Variants in PEPD observed in about 807,000 individuals in gnomAD.
The protein encoded by PEPD is xaa-Pro dipeptidase.
A neutral mutation model predicts 60.7 loss-of-function variants in PEPD; 53 were observed. That is an observed-to-expected ratio of 0.87 (90% CI 0.70 to 1.10). The LOEUF (loss-of-function observed/expected upper bound fraction) is 1.10. Ranked by LOEUF, PEPD falls within the 50% of genes least tolerant of loss-of-function variation. The probability of loss-of-function intolerance (pLI) is 0.00; values close to 1 mark genes in which losing one functional copy is unlikely to be tolerated. For synonymous variants in PEPD, 267 were observed against 284.1 expected, an observed-to-expected ratio of 0.94 and a Z score of 0.60; for missense variants, 711 against 711.9, an observed-to-expected ratio of 1.00 and a Z score of 0.01.
intron 12 of PEPD, among the ~76,000 whole-genome samples, chr19:33,398,805 C>T (rs1968425364): frequency 6.6e-6 from 1 of 152,238 alleles, no homozygotes; most frequent in South Asian, 2.1e-4. Context: ...AGCAAGCAAA[C>T]TGTCCCGTCC....
chr19:33,420,702 A>AAAATAAATAAAT (rs61576295), intron 9 of PEPD, among the ~76,000 whole-genome samples: 18,165 of 149,176 alleles, frequency 0.12, 1,469 homozygotes, highest in Non-Finnish European at 0.18. Flanking sequence ...ACTCTGTCTC[A>AAAATAAATAAAT]AAATAAATAA....
Position 33,519,821 on chromosome 19 carries a change from T to C in PEPD, c.17+1923A>G, listed in dbSNP as rs1431745349. Among the ~76,000 whole-genome samples the C allele has an allele frequency of 2.0e-5, 3 of 152,052 alleles. No homozygotes were observed. In the East Asian group the frequency reaches 5.8e-4, roughly 29 times the overall value. On this transcript the variant is annotated intron_variant, in intron 1 of 14. Coordinates refer to ENST00000244137, the MANE Select transcript of PEPD (RefSeq NM_000285.4). ...TGGCTCACACCTGTAATCCTAGCAC[T>C]TTGGGAGGCGGAGGCGGGTGGATCA... is the stretch of plus-strand genomic sequence containing the variant.
intron 12 of PEPD, among the ~76,000 whole-genome samples, chr19:33,397,968 T>C (rs1968405263): frequency 1.3e-5 from 2 of 152,174 alleles, no homozygotes; most frequent in Admixed American, 1.3e-4. Flanking sequence ...GGATGCCAGC[T>C]GTGGAGATGC....
Position 33,512,704 on chromosome 19 carries a change from C to T in PEPD, c.90G>A (p.Leu30=). The T allele has an allele frequency of 2.5e-6, 4 of 1,614,100 alleles. No individual in the cohort carries two copies. In the East Asian group the frequency reaches 8.9e-5, roughly 36 times the overall value. Residue 30 remains leucine, a synonymous_variant, in exon 2 of 15, where the codon CTG becomes CTA. Transcript: ENST00000244137. ...CAGGGTTCTTCCGCAGCCGCTCACACAGGCGCTGCCGGTTCAAGGCAAAGA... is the reference window on the plus strand; with the variant it reads ...CAGGGTTCTTCCGCAGCCGCTCACATAGGCGCTGCCGGTTCAAGGCAAAGA... ...LALFALNRQR[L]CERLRKNPAV... is the part of the protein sequence containing the mutation.
In PEPD at chr19:33,446,613, G is replaced by T. The variant is rs552531447; in HGVS notation, c.671+16382C>A. ...CATGCTGGCCTAGCAGAAGTGAGGG[G>T]TCCCCTGTTTGCACAGTGCATCCAG... On this transcript the variant is annotated intron_variant, in intron 9 of 14. Transcript: ENST00000244137. Among the ~76,000 whole-genome samples the T allele has an allele frequency of 3.3e-5, 5 of 152,352 alleles. No individual in the cohort carries two copies. The East Asian group carries it at 9.7e-4, about 29-fold the overall frequency.
At chr19:33,455,390 C>T (rs1415403426) in intron 9 of PEPD, among the ~76,000 whole-genome samples, 2 of 151,812 alleles carry the variant, frequency 1.3e-5, no homozygotes, top group Non-Finnish European at 2.9e-5. Context: ...TGATAAAATT[C>T]GACATCCTTT....
chr19:33,426,624 G>C (rs1330100306), intron 9 of PEPD, among the ~76,000 whole-genome samples: 1 of 152,232 alleles, frequency 6.6e-6, no homozygotes, highest in Non-Finnish European at 1.5e-5. Context: ...GTGAGCACAG[G>C]ACACTGGATA....
At chr19:33,455,466 T>C (rs1969777807) in intron 9 of PEPD, among the ~76,000 whole-genome samples, 1 of 151,918 alleles carries the variant, frequency 6.6e-6, no homozygotes, top group Non-Finnish European at 1.5e-5. Flanking sequence ...AATATTTATC[T>C]GAAATCAACA....
intron 6 of PEPD, among the ~76,000 whole-genome samples, chr19:33,480,710 G>A (rs915331410): frequency 6.6e-5 from 10 of 152,044 alleles, no homozygotes; most frequent in Non-Finnish European, 1.2e-4. Flanking sequence ...CAAGAGAATC[G>A]CTTGAACCGA....
At chr19:33,503,525 C>T (rs1029326342) in intron 3 of PEPD, among the ~76,000 whole-genome samples, 1 of 152,148 alleles carries the variant, frequency 6.6e-6, no homozygotes, top group Non-Finnish European at 1.5e-5. Flanking sequence ...AGGCCCCAGA[C>T]GCAGGGCTTA....
intron 12 of PEPD, among the ~76,000 whole-genome samples, chr19:33,396,363 C>A (rs1047382451): frequency 1.4e-4 from 22 of 152,124 alleles, no homozygotes; most frequent in Admixed American, 1.3e-3. Context: ...CCAGGTGGGC[C>A]GGGGCAGGTG....
chr19:33,516,302 TTTG>T (rs1292264138), intron 1 of PEPD, among the ~76,000 whole-genome samples: 1 of 152,102 alleles, frequency 6.6e-6, no homozygotes, highest in Non-Finnish European at 1.5e-5. Flanking sequence ...TGCTGCAGCT[TTTG>T]TTAACTGGCA....
intron 7 of PEPD, among the ~76,000 whole-genome samples, chr19:33,472,062 G>A (rs866994212): frequency 1.4e-4 from 22 of 152,034 alleles, no homozygotes; most frequent in Non-Finnish European, 2.6e-4. Context: ...TCGGGAGGCT[G>A]AGGCAGAAGA....
chr19:33,475,547 T>C (rs17834073), intron 7 of PEPD, among the ~76,000 whole-genome samples: 17,584 of 152,200 alleles, frequency 0.12, 1,363 homozygotes, highest in East Asian at 0.28. Flanking sequence ...GGAGGTATGC[T>C]TAGGAACGCG....
intron 9 of PEPD, among the ~76,000 whole-genome samples, chr19:33,419,080 CACAG>C (rs1247625027): frequency 1.3e-5 from 2 of 152,174 alleles, no homozygotes; most frequent in Non-Finnish European, 2.9e-5. Flanking sequence ...AGTCCTGGCC[CACAG>C]ACAGAGACTG....
intron 12 of PEPD, among the ~76,000 whole-genome samples, chr19:33,393,997 C>T (rs1211067192): frequency 1.3e-5 from 2 of 152,264 alleles, no homozygotes; most frequent in African/African-American, 4.8e-5. Flanking sequence ...TTTCTCCTTG[C>T]ACGGTCCATC....
At chr19:33,429,476 G>A (rs186249700) in intron 9 of PEPD, among the ~76,000 whole-genome samples, 149 of 152,282 alleles carry the variant, frequency 9.8e-4, no homozygotes, top group Middle Eastern at 3.4e-3. Flanking sequence ...CTCAATTAAC[G>A]TATTAAATAT....
chr19:33,415,167 C>T lies in PEPD; in HGVS notation c.672-1524G>A, dbSNP rs1968862514. 3.3e-5 allele frequency among the ~76,000 whole-genome samples: 5 copies of T among 152,168 alleles called. No individual in the cohort carries two copies. The South Asian group carries it at 1.0e-3, about 32-fold the overall frequency. ...CCACGCCGTGGAACAGGGGTGCTCC[C>T]TTGGCTTTGTGAGATGTGGTCCTGC... On this transcript the variant is annotated intron_variant, in intron 9 of 14. Transcript: ENST00000244137.
In PEPD at chr19:33,401,685, G is replaced by A. The variant is rs146224489; in HGVS notation, c.967+36C>T. The A allele has an allele frequency of 1.2e-3, 1,908 of 1,589,328 alleles. 2 individuals are homozygous for A. The highest frequency in any genetic ancestry group is 1.5e-3 in the Non-Finnish European group (1,743 of 1,168,168). ...CACATAGCAGCGCCCCCAACGCCACGTCAGATGCGCCTCCCCCCACCGACC... is the reference window on the plus strand; with the variant it reads ...CACATAGCAGCGCCCCCAACGCCACATCAGATGCGCCTCCCCCCACCGACC... On this transcript the variant is annotated intron_variant, in intron 12 of 14. Coordinates refer to ENST00000244137, the MANE Select transcript of PEPD (RefSeq NM_000285.4).
Sources: gnomAD v4.1 joint callset for allele counts (sites outside exome capture counted in the v4.1 genomes callset) on GRCh38, gnomAD v4.1.1 for gene constraint, MANE v1.5 for transcripts, NCBI Gene and HGNC (gene_info 2026-07-23, HGNC 2026-07-21) for gene names.